Variants in KCNH1 observed in about 807,000 individuals in gnomAD.
KCNH1 encodes the protein potassium voltage-gated channel subfamily H member 1, also known as voltage-gated delayed rectifier potassium channel KCNH1.
Under a neutral mutation model 69.2 loss-of-function variants are expected in KCNH1, and 27 were observed. The observed-to-expected ratio is 0.39, with a 90% confidence interval of 0.29 to 0.54. The LOEUF (loss-of-function observed/expected upper bound fraction) is 0.54. Ranked by LOEUF, KCNH1 falls within the 20% of genes least tolerant of loss-of-function variation. The pLI, the probability that KCNH1 is intolerant of heterozygous loss-of-function variation, is 0.68. For synonymous variants in KCNH1, 456 were observed against 487.7 expected, an observed-to-expected ratio of 0.93 and a Z score of 0.86; for missense variants, 798 against 1,261.6, an observed-to-expected ratio of 0.63 and a Z score of 5.57.
chr1:210,860,274 C>T, intron 7 of KCNH1: 3 of 1,438,900 alleles, frequency 2.1e-6, no homozygotes, highest in Non-Finnish European at 2.9e-6. Flanking sequence ...GCTGCCACAT[C>T]TGTGGAGACA....
chr1:210,808,508 T>C (rs1684633739), intron 7 of KCNH1, among the ~76,000 whole-genome samples: 1 of 152,102 alleles, frequency 6.6e-6, no homozygotes, highest in Admixed American at 6.6e-5. Context: ...TATTATTACA[T>C]TAAAGGTGGA....
chr1:211,070,430 A>AACACACAC (rs57063242), intron 5 of KCNH1, among the ~76,000 whole-genome samples: 4 of 137,122 alleles, frequency 2.9e-5, no homozygotes, highest in Non-Finnish European at 4.6e-5. Context: ...AAAAAAAAAA[A>AACACACAC]ACACACACAC....
chr1:210,866,704 A>G (rs1190868573), intron 7 of KCNH1, among the ~76,000 whole-genome samples: 1 of 152,108 alleles, frequency 6.6e-6, no homozygotes, highest in African/African-American at 2.4e-5. Context: ...GTTCCTCAAG[A>G]TGTTAAATGT....
chr1:211,114,454 A>G (rs969364485), intron 1 of KCNH1, among the ~76,000 whole-genome samples: 1 of 152,226 alleles, frequency 6.6e-6, no homozygotes, highest in African/African-American at 2.4e-5. Flanking sequence ...GTTAAATAAA[A>G]TAAAGAAATA....
intron 7 of KCNH1, among the ~76,000 whole-genome samples, chr1:210,822,481 C>G (rs1420120059): frequency 6.6e-6 from 1 of 152,138 alleles, no homozygotes; most frequent in Non-Finnish European, 1.5e-5. Context: ...TCAATTATTT[C>G]CACCATTTAA....
chr1:210,895,248 T>G (rs1176958081), intron 7 of KCNH1, among the ~76,000 whole-genome samples: 2 of 152,072 alleles, frequency 1.3e-5, no homozygotes, highest in Admixed American at 6.6e-5. Context: ...TAACACTGGA[T>G]TTATGCATCT....
At chr1:211,025,972 G>T (rs1225401276) in intron 5 of KCNH1, among the ~76,000 whole-genome samples, 1 of 152,072 alleles carries the variant, frequency 6.6e-6, no homozygotes, top group East Asian at 1.9e-4. Flanking sequence ...TAGAGTTCAG[G>T]GCCTTTGCAG....
intron 7 of KCNH1, among the ~76,000 whole-genome samples, chr1:210,823,124 T>C (rs763211114): frequency 1.2e-4 from 19 of 152,292 alleles, no homozygotes; most frequent in African/African-American, 4.1e-4. Context: ...ACTATGTCCA[T>C]GGTAACTCTG....
intron 4 of KCNH1, among the ~76,000 whole-genome samples, chr1:211,087,639 GCACACA>G (rs5780626): frequency 4.1e-4 from 58 of 140,644 alleles, no homozygotes; most frequent in East Asian, 2.1e-3. Flanking sequence ...ACACACACAC[GCACACA>G]CACACACACA....
intron 5 of KCNH1, among the ~76,000 whole-genome samples, chr1:211,033,057 A>G (rs1689821170): frequency 6.6e-6 from 1 of 152,224 alleles, no homozygotes; most frequent in Non-Finnish European, 1.5e-5. Context: ...ACTCAAATAA[A>G]TTTACAAGAA....
intron 7 of KCNH1, among the ~76,000 whole-genome samples, chr1:210,878,712 C>A (rs1686433155): frequency 6.6e-6 from 1 of 151,854 alleles, no homozygotes; most frequent in Non-Finnish European, 1.5e-5. Flanking sequence ...ACCTAAGCTT[C>A]CACCTTAGGA....
intron 6 of KCNH1, among the ~76,000 whole-genome samples, chr1:210,944,051 A>C (rs985861815): frequency 6.6e-6 from 1 of 152,308 alleles, no homozygotes; most frequent in East Asian, 1.9e-4. Flanking sequence ...CAAGACTCTA[A>C]GTCCAGCCCC....
At chr1:211,006,222 T>C (rs773779935) in intron 6 of KCNH1, among the ~76,000 whole-genome samples, 10 of 152,188 alleles carry the variant, frequency 6.6e-5, no homozygotes, top group Non-Finnish European at 1.3e-4. Flanking sequence ...CATACACGTA[T>C]AGCCCAGCAA....
In KCNH1 at chr1:210,724,298, AT is replaced by A. The variant is rs556894996; in HGVS notation, c.2113-40161del. ...TAAATCAGAATGTCTGATGTGGAGT[AT>A]TTTTTTTTAAAGCTCCTGGATGATT... On this transcript the variant is annotated intron_variant, in intron 10 of 10. Transcript: ENST00000271751. Among the ~76,000 whole-genome samples the A allele has an allele frequency of 2.1e-3, 321 of 151,542 alleles. 1 individual carries two copies. Among genetic ancestry groups the A allele is most frequent in the Non-Finnish European group, 3.4e-3 (233 of 67,808 alleles).
rs1013350566 is a variant in KCNH1, at chr1:210,679,970, G to C, written c.*3311C>G. ...AATGAGTTGCATTCATGAATGCAATGAGTTGCATTAATTGTACACTAGACA... is the reference window on the plus strand; with the variant it reads ...AATGAGTTGCATTCATGAATGCAATCAGTTGCATTAATTGTACACTAGACA... On this transcript the variant is annotated 3_prime_UTR_variant, in exon 11 of 11. Transcript: ENST00000271751. The C allele has an allele frequency of 6.6e-6, 1 of 152,170 alleles. No individual in the cohort carries two copies. The highest frequency in any genetic ancestry group is 6.5e-5 in the Admixed American group (1 of 15,278). 9.4% of individuals were successfully genotyped at this position (152,170 alleles called of 1,614,324 possible). A position where few individuals can be genotyped will look rare whatever the true frequency, so the allele number is the denominator to read the frequency against.
intron 10 of KCNH1, among the ~76,000 whole-genome samples, chr1:210,699,043 C>A (rs750416866): frequency 2.6e-5 from 4 of 152,232 alleles, no homozygotes; most frequent in Non-Finnish European, 5.9e-5. Context: ...CCAGCTGGGT[C>A]TCTACCTCAC....
intron 10 of KCNH1, among the ~76,000 whole-genome samples, chr1:210,735,457 T>C (rs1445299948): frequency 7.3e-6 from 1 of 137,736 alleles, no homozygotes; most frequent in Non-Finnish European, 1.6e-5. Context: ...TGTGTGTGTG[T>C]GTGTGTGTGA....
rs756636132 is a variant in KCNH1, at chr1:210,683,945, C to T, written c.2306G>A (p.Gly769Asp). The T allele has an allele frequency of 4.4e-6, 7 of 1,607,184 alleles. No homozygotes were observed. Among genetic ancestry groups the T allele is most frequent in the Non-Finnish European group, 5.1e-6 (6 of 1,174,434 alleles). ...RDLDDLDVEK[G>D]NVLTEHASAN... is the part of the protein sequence containing the mutation. ...GGAGGCATGCTCTGTAAGGACATTG[C>T]CCTTCTCCACATCTAGGTCATCCAG... The change falls in exon 11 of 11, where the codon GGC becomes GAC. Residue 769 changes from glycine to aspartate, a missense_variant. By Grantham distance (94) the Gly-to-Asp change is moderately conservative. Around this residue, in one of 4 missense-constraint regions of KCNH1, gnomAD observed 331 missense variants for 363.2 expected, o/e 0.91. Coordinates refer to ENST00000271751, the MANE Select transcript of KCNH1 (RefSeq NM_172362.3). The surrounding 1 kb of genome is among the most constrained non-coding windows in gnomAD (Gnocchi z 5.7).
At chr1:210,784,251 C>G (rs1262413823) in intron 9 of KCNH1, among the ~76,000 whole-genome samples, 1 of 152,192 alleles carries the variant, frequency 6.6e-6, no homozygotes, top group East Asian at 1.9e-4. Flanking sequence ...GTTTTGACAT[C>G]TTATAAATGT....
Sources: allele counts gnomAD v4.1 joint callset (sites outside exome capture counted in the v4.1 genomes callset), GRCh38; gene constraint gnomAD v4.1.1; regional missense constraint gnomAD v4.1.1; non-coding constraint Gnocchi (gnomAD v3.1); transcripts MANE v1.5; gene names NCBI Gene and HGNC (gene_info 2026-07-23, HGNC 2026-07-21).